Variants in MAP3K20 observed in about 807,000 individuals in gnomAD.
MAP3K20 encodes the protein HCCS-4.
A neutral mutation model predicts 85.7 loss-of-function variants in MAP3K20; 40 were observed. The ratio of observed to expected loss-of-function variants is 0.47; its 90% CI spans 0.36 to 0.61. The LOEUF (loss-of-function observed/expected upper bound fraction) is 0.61. Ranked by LOEUF, MAP3K20 falls within the 20% of genes least tolerant of loss-of-function variation. The pLI is 0.00. For synonymous variants in MAP3K20, 325 were observed against 327.7 expected (o/e 0.99, Z 0.09); for missense variants, 817 against 961.7 (o/e 0.85, Z 1.99).
rs543832630 is a variant in MAP3K20, at chr2:173,135,955, A to C, written c.160-33850A>C. Among the ~76,000 whole-genome samples, 15 of 152,346 alleles carry C rather than the reference A, an allele frequency of 9.8e-5. No homozygotes were observed. The South Asian group carries it at 2.7e-3, about 27-fold the overall frequency. On this transcript the variant is annotated intron_variant, in intron 2 of 19. Coordinates refer to ENST00000375213, the MANE Select transcript of MAP3K20 (RefSeq NM_016653.3). Reference sequence around the variant, plus strand: ...ATTATTAGACTTGCTTTAAACACTCAGTAGAAATGTGAGCATCTAAGTGGT... The same window carrying C: ...ATTATTAGACTTGCTTTAAACACTCCGTAGAAATGTGAGCATCTAAGTGGT...
intron 1 of MAP3K20, 41 bp from the exon 2 acceptor site, chr2:173,090,957 T>C: frequency 1.3e-6 from 2 of 1,537,388 alleles, no homozygotes; most frequent in East Asian, 2.3e-5. Flanking sequence ...TTTAGCCTAA[T>C]ATATTTGTAA....
rs142657742 is a variant in MAP3K20, at chr2:173,223,122, A to T, written c.987+5872A>T. The T allele has an allele frequency of 3.1e-5, 31 of 985,420 alleles. 1 individual carries two copies. In the African/African-American group the frequency reaches 4.5e-4, roughly 14 times the overall value. The allele number at this position is 985,420 out of a possible 1,614,324, so 61.0% of individuals were successfully genotyped here. Reference sequence around the variant, plus strand: ...TCTAATGCCCCTTGAGAGGTGAAAAATACCACATAATGATCAGTATGCTGT... The same window carrying T: ...TCTAATGCCCCTTGAGAGGTGAAAATTACCACATAATGATCAGTATGCTGT... On this transcript the variant is annotated intron_variant, in intron 11 of 19. Coordinates refer to ENST00000375213, the MANE Select transcript of MAP3K20 (RefSeq NM_016653.3).
intron 2 of MAP3K20, among the ~76,000 whole-genome samples, chr2:173,092,619 T>C (rs1559227370): frequency 6.6e-6 from 1 of 152,224 alleles, no homozygotes; most frequent in Non-Finnish European, 1.5e-5. Flanking sequence ...ACCTGCTCCA[T>C]CCATTTATAG....
chr2:173,090,234 G>A (rs1011993754), intron 1 of MAP3K20, among the ~76,000 whole-genome samples: 23 of 152,294 alleles, frequency 1.5e-4, no homozygotes, highest in Middle Eastern at 3.4e-3. Context: ...CTGGAGAATA[G>A]TAAAACTCCT....
chr2:173,093,819 A>T (rs1687374583), intron 2 of MAP3K20, among the ~76,000 whole-genome samples: 3 of 152,130 alleles, frequency 2.0e-5, no homozygotes, highest in African/African-American at 7.2e-5. Context: ...CATAAAAATG[A>T]TGAGTTCATG....
intron 10 of MAP3K20, among the ~76,000 whole-genome samples, chr2:173,213,041 T>TTTTTTATAAATA (rs1331485735): frequency 2.2e-4 from 34 of 152,116 alleles, no homozygotes; most frequent in Non-Finnish European, 4.4e-4. Flanking sequence ...AATGTTTCTA[T>TTTTTTATAAATA]TTTTTATAAA....
At chr2:173,082,245 C>T (rs998978423) in intron 1 of MAP3K20, among the ~76,000 whole-genome samples, 3 of 152,092 alleles carry the variant, frequency 2.0e-5, no homozygotes, top group Non-Finnish European at 2.9e-5. Context: ...TGACCTCAAG[C>T]GATACTCCCA....
At chr2:173,241,267 G>C (rs1684773626) in intron 16 of MAP3K20, among the ~76,000 whole-genome samples, 2 of 152,112 alleles carry the variant, frequency 1.3e-5, no homozygotes, top group Admixed American at 1.3e-4. Flanking sequence ...ATGAGGTAAT[G>C]GATGCCCTCA....
intron 1 of MAP3K20, among the ~76,000 whole-genome samples, 185 bp downstream of exon 1, chr2:173,076,187 G>A (rs1267239340): frequency 6.6e-6 from 1 of 151,484 alleles, no homozygotes; most frequent in Non-Finnish European, 1.5e-5. Flanking sequence ...CGGCCGGAGC[G>A]AGCGGGCGGG....
chr2:173,226,466 T>C, intron 11 of MAP3K20: 6 of 985,678 alleles, frequency 6.1e-6, no homozygotes, highest in Non-Finnish European at 7.2e-6. Context: ...ACTGTTTTCC[T>C]GTTTAAGTGT....
At chr2:173,078,020 T>TG (rs1006298637) in intron 1 of MAP3K20, among the ~76,000 whole-genome samples, 3 of 152,326 alleles carry the variant, frequency 2.0e-5, no homozygotes, top group South Asian at 2.1e-4. Flanking sequence ...AATAGGTTTG[T>TG]GGGGGCGTGG....
At chr2:173,234,980 G>A (rs1271393324) in intron 14 of MAP3K20, among the ~76,000 whole-genome samples, 1 of 152,246 alleles carries the variant, frequency 6.6e-6, no homozygotes, top group Non-Finnish European at 1.5e-5. Context: ...GCAAAAACGC[G>A]AATGGAGAGA....
chr2:173,263,977 A>AG, intron 19 of MAP3K20, 82 bp downstream of exon 19: 1 of 1,510,742 alleles, frequency 6.6e-7, no homozygotes, highest in Admixed American at 2.3e-5. Context: ...AAAGACTCAG[A>AG]GGATACCACC....
intron 2 of MAP3K20, among the ~76,000 whole-genome samples, chr2:173,095,831 A>G (rs991983924): frequency 3.9e-5 from 6 of 152,184 alleles, no homozygotes; most frequent in Admixed American, 1.3e-4. Flanking sequence ...ACAAAACATT[A>G]TATACAATAT....
At chr2:173,186,788 A>G (rs1308561755) in intron 4 of MAP3K20, among the ~76,000 whole-genome samples, 2 of 148,488 alleles carry the variant, frequency 1.3e-5, no homozygotes, top group African/African-American at 4.9e-5. Context: ...AAATACAGAA[A>G]GAGTCAAAAA....
chr2:173,216,283 G>T (rs1003923887), intron 10 of MAP3K20, among the ~76,000 whole-genome samples: 1 of 152,170 alleles, frequency 6.6e-6, no homozygotes, highest in Admixed American at 6.5e-5. Flanking sequence ...CAAGTGGTGA[G>T]GTTGGTTGGC....
intron 14 of MAP3K20, 54 bp downstream of exon 14, chr2:173,232,513 GT>G (rs935973478): frequency 3.8e-6 from 6 of 1,593,564 alleles, no homozygotes; most frequent in Admixed American, 3.5e-5. Flanking sequence ...TGTTTGTTTG[GT>G]TTTTTTTGAG....
At chr2:173,229,623 G>C in intron 11 of MAP3K20, 66 bp from the exon 12 acceptor site, 1 of 1,601,016 alleles carries the variant, frequency 6.2e-7, no homozygotes, top group South Asian at 1.1e-5. Context: ...TGAGACAAGA[G>C]GATGAACCAA....
intron 2 of MAP3K20, among the ~76,000 whole-genome samples, chr2:173,110,569 C>G (rs2106173743): frequency 6.6e-6 from 1 of 151,886 alleles, no homozygotes; most frequent in South Asian, 2.1e-4. Flanking sequence ...TATCCCTTGC[C>G]CCGCCCCTAC....
Sources: allele counts gnomAD v4.1 joint callset (sites outside exome capture counted in the v4.1 genomes callset), GRCh38; gene constraint gnomAD v4.1.1; transcripts MANE v1.5; gene names NCBI Gene and HGNC (gene_info 2026-07-23, HGNC 2026-07-21).